Variants in BRIP1 observed in about 807,000 individuals in gnomAD.
The protein encoded by BRIP1 is BRCA1 interacting DNA helicase 1.
Under a neutral mutation model 119.7 loss-of-function variants are expected in BRIP1, and 88 were observed. The observed-to-expected ratio is 0.74, with a 90% CI of 0.62 to 0.88. The LOEUF is 0.88. BRIP1 is among the 40% of genes least tolerant of loss of function. BRIP1 has a pLI of 0.00. For missense variants in BRIP1, 1,259 were observed against 1,455.4 expected, an observed-to-expected ratio of 0.87 and a Z score of 2.20; for synonymous variants, 443 against 496.5, an observed-to-expected ratio of 0.89 and a Z score of 1.43.
intron 19 of BRIP1, chr17:61,685,299 G>A (rs1291177896): frequency 2.6e-5 from 4 of 152,432 alleles, no homozygotes; most frequent in Non-Finnish European, 5.9e-5. Context: ...TGATACAGAT[G>A]ATTATTTCAA....
In BRIP1 at chr17:61,693,511, A is replaced by G. The variant is rs768222842; in HGVS notation, c.2494T>C (p.Cys832Arg). ...YRALNQALGR[C>R]IRHRNDWGAL... ...CCCCAATCATTTCTGTGTCTAATAC[A>G]TCTAGAAAAAATAGGGAAAAAGTCA... The change falls in exon 18 of 20, where the codon TGT becomes CGT. Residue 832 changes from cysteine (C) to arginine (R), a missense_variant and splice_region_variant. By Grantham distance (180) the Cys-to-Arg change is radical (BLOSUM62 -3). This residue lies in a region of BRIP1 where 753 missense variants were observed against 891.8 expected (regional missense o/e 0.84). Coordinates refer to ENST00000259008, the MANE Select transcript of BRIP1 (RefSeq NM_032043.3). This position sits in a 1 kb window ranked among gnomAD's most constrained non-coding sequence, Gnocchi z 4.2. The G allele has an allele frequency of 6.2e-7, 1 of 1,609,932 alleles. No individual in the cohort carries two copies. Among genetic ancestry groups the G allele is most frequent in the Admixed American group, 1.7e-5 (1 of 60,006 alleles).
In BRIP1 at chr17:61,686,910, TAGCATC is replaced by T. The variant is rs1036659504; in HGVS notation, c.2576-751_2576-746del. Among the ~76,000 whole-genome samples, 11 of 152,290 alleles carry T rather than the reference TAGCATC, an allele frequency of 7.2e-5. No individual in the cohort carries two copies. Among genetic ancestry groups the T allele is most frequent in the African/African-American group, 2.6e-4 (11 of 41,572 alleles). On this transcript the variant is annotated intron_variant, in intron 18 of 19. Coordinates refer to ENST00000259008, the MANE Select transcript of BRIP1 (RefSeq NM_032043.3). This position sits in a 1 kb window ranked among gnomAD's most constrained non-coding sequence, Gnocchi z 5.4. ...TATTCCCTGCTAACACTACTAAAACTAGCATCATCTTTTGGAGGAATTAGTTTTAAA... is the reference window on the plus strand; with the variant it reads ...TATTCCCTGCTAACACTACTAAAACTATCTTTTGGAGGAATTAGTTTTAAA...
Position 61,806,759 on chromosome 17 carries a change from G to A in BRIP1, c.918+1708C>T, listed in dbSNP as rs373022609. 3.3e-5 allele frequency among the ~76,000 whole-genome samples: 5 copies of A among 152,140 alleles called. No homozygotes were observed. The highest frequency in any genetic ancestry group is 2.1e-4 in the South Asian group (1 of 4,832). On this transcript the variant is annotated intron_variant, in intron 7 of 19. Coordinates refer to ENST00000259008, the MANE Select transcript of BRIP1 (RefSeq NM_032043.3). This position sits in a 1 kb window ranked among gnomAD's most constrained non-coding sequence, Gnocchi z 4.9. ...GTTGCCCAGGCTGCAGTGCAGTGGC[G>A]CGATCTTGGCTCACTGCAACCTCTG...
rs1308788275 is a variant in BRIP1, at chr17:61,680,545, T to TCTCGG, written c.*2746_*2750dup. Among the ~76,000 whole-genome samples the TCTCGG allele has an allele frequency of 2.9e-5, 4 of 139,042 alleles. No individual in the cohort carries two copies. The highest frequency in any genetic ancestry group is 6.1e-5 in the Non-Finnish European group (4 of 66,036). The allele number at this position is 139,042 out of a possible 152,430, so 91.2% of individuals were successfully genotyped here. ...CCCAGGCTGGAGTGCAGTGGCGCAA[T>TCTCGG]CTCGGCTCACTGCAAGCTCCACCTC... is the stretch of plus-strand genomic sequence containing the variant. On this transcript the variant is annotated 3_prime_UTR_variant, in exon 20 of 20. Transcript: ENST00000259008.
Position 61,791,262 on chromosome 17 carries a change from G to A in BRIP1, c.1473+2335C>T, listed in dbSNP as rs139831482. Among the ~76,000 whole-genome samples the A allele has an allele frequency of 3.0e-3, 459 of 152,052 alleles. 5 individuals are homozygous for A. Among genetic ancestry groups the A allele is most frequent in the Non-Finnish European group, 5.4e-3 (370 of 67,960 alleles). ...CCAGCACTTTGGGAGGCCAAGGCAG[G>A]TGGATCACTTGAGGTCAGGAGTTTG... On this transcript the variant is annotated intron_variant, in intron 10 of 19. Transcript: ENST00000259008.
At chr17:61,830,825 A>G (rs1333088630) in intron 6 of BRIP1, among the ~76,000 whole-genome samples, 1 of 152,210 alleles carries the variant, frequency 6.6e-6, no homozygotes, top group Non-Finnish European at 1.5e-5. Context: ...ACATTACAGA[A>G]AACTATAGAC....
In BRIP1 at chr17:61,743,952, G is replaced by A. The variant is rs533556236; in HGVS notation, c.2257+480C>T. Reference sequence around the variant, plus strand: ...TCCACCCGCCTCAGCCTCCCAAAGCGCTAGGATTACAGGCAAGAGCCACCA... The same window carrying A: ...TCCACCCGCCTCAGCCTCCCAAAGCACTAGGATTACAGGCAAGAGCCACCA... On this transcript the variant is annotated intron_variant, in intron 15 of 19. Transcript: ENST00000259008. The surrounding 1 kb of genome is among the most constrained non-coding windows in gnomAD (Gnocchi z 4.3). Among the ~76,000 whole-genome samples, 54 of 152,230 alleles carry A rather than the reference G, an allele frequency of 3.5e-4. No homozygotes were observed. The highest frequency in any genetic ancestry group is 2.4e-4 in the African/African-American group (10 of 41,556).
In BRIP1 at chr17:61,861,641, G is replaced by A. The variant is rs936614700; in HGVS notation, c.-30-72C>T. ...GAAAACCAGAGAACCAAAACTAAGG[G>A]AGAAATCTGGAAACAGAAACTGGAA... On this transcript the variant is annotated intron_variant, in intron 1 of 19. Transcript: ENST00000259008. This position sits in a 1 kb window ranked among gnomAD's most constrained non-coding sequence, Gnocchi z 4.5. 3.2e-5 allele frequency: 26 copies of A among 802,940 alleles called. No homozygotes were observed. In the African/African-American group the frequency reaches 4.3e-4, roughly 13 times the overall value. 49.7% of individuals were successfully genotyped at this position (802,940 alleles called of 1,614,324 possible).
intron 17 of BRIP1, among the ~76,000 whole-genome samples, chr17:61,702,994 CTTT>C (rs2061638949): frequency 2.2e-5 from 2 of 89,166 alleles, no homozygotes; most frequent in South Asian, 6.9e-4. Context: ...TTTTTTTTGA[CTTT>C]TTAACGATAG....
In BRIP1 at chr17:61,823,796, A is replaced by ACACACACACACACACC. The variant is rs371160215; in HGVS notation, c.628-15040_628-15039insGGTGTGTGTGTGTGTG. Reference sequence around the variant, plus strand: ...CACACACACACACACACACACACACACCTTAGTTGAATTGCTGAAAGCAGA... The same window carrying ACACACACACACACACC: ...CACACACACACACACACACACACACACACACACACACACACCCCTTAGTTGAATTGCTGAAAGCAGA... On this transcript the variant is annotated intron_variant, in intron 6 of 19. Transcript: ENST00000259008. The surrounding 1 kb of genome is among the most constrained non-coding windows in gnomAD (Gnocchi z 4.8). Among the ~76,000 whole-genome samples, 2 of 148,822 alleles carry ACACACACACACACACC rather than the reference A, an allele frequency of 1.3e-5. No individual in the cohort carries two copies. The highest frequency in any genetic ancestry group is 5.0e-5 in the African/African-American group (2 of 39,910).
chr17:61,795,193 A>G lies in BRIP1; in HGVS notation c.1341-1464T>C, dbSNP rs551151279. ...GCAATATGTAATAATCACATCATGG[A>G]AGATGGGGTATCCATCCTCTCAAGC... On this transcript the variant is annotated intron_variant, in intron 9 of 19. Coordinates refer to ENST00000259008, the MANE Select transcript of BRIP1 (RefSeq NM_032043.3). The surrounding 1 kb of genome is among the most constrained non-coding windows in gnomAD (Gnocchi z 5.6). 6.6e-6 allele frequency among the ~76,000 whole-genome samples: 1 copy of G among 152,238 alleles called. No homozygotes were observed. Among genetic ancestry groups the G allele is most frequent in the South Asian group, 2.1e-4 (1 of 4,834 alleles).
chr17:61,715,294 T>C (rs891188727), intron 17 of BRIP1, among the ~76,000 whole-genome samples: 32 of 152,198 alleles, frequency 2.1e-4, no homozygotes, highest in Admixed American at 2.0e-3. Context: ...ATTATCACTA[T>C]ACATAAAAGG....
At chr17:61,782,941 A>G (rs2077645994) in intron 11 of BRIP1, among the ~76,000 whole-genome samples, 2 of 152,230 alleles carry the variant, frequency 1.3e-5, no homozygotes, top group African/African-American at 2.4e-5. Flanking sequence ...GTGCATTGAT[A>G]ATGAGAATGG....
chr17:61,790,186 T>C (rs1286453660), intron 10 of BRIP1, among the ~76,000 whole-genome samples: 3 of 152,164 alleles, frequency 2.0e-5, no homozygotes, highest in African/African-American at 7.2e-5. Flanking sequence ...TTCAACTTCA[T>C]AAAAATAGAT....
intron 13 of BRIP1, among the ~76,000 whole-genome samples, chr17:61,777,623 A>G (rs1315627730): frequency 6.6e-6 from 1 of 152,102 alleles, no homozygotes; most frequent in Non-Finnish European, 1.5e-5. Context: ...ATTTACCTAC[A>G]CTTACTGATT....
rs990926069 is a variant in BRIP1 at position 61,834,858 on chromosome 17, C to T, written c.627+12243G>A. Among the ~76,000 whole-genome samples, 7 of 152,308 alleles carry T rather than the reference C, an allele frequency of 4.6e-5. No individual in the cohort carries two copies. The highest frequency in any genetic ancestry group is 8.8e-5 in the Non-Finnish European group (6 of 68,010). Reference sequence around the variant, plus strand: ...GCTGACCTGCAGTTGACCACAGACACATGAGTAGGCCACCTGAGATCAGCA... The same window carrying T: ...GCTGACCTGCAGTTGACCACAGACATATGAGTAGGCCACCTGAGATCAGCA... On this transcript the variant is annotated intron_variant, in intron 6 of 19. Transcript: ENST00000259008. The surrounding 1 kb of genome is among the most constrained non-coding windows in gnomAD (Gnocchi z 4.4).
chr17:61,785,549 T>C (rs2077692832), intron 10 of BRIP1, among the ~76,000 whole-genome samples: 1 of 151,698 alleles, frequency 6.6e-6, no homozygotes, highest in Admixed American at 6.6e-5. Context: ...TCTATAAGAG[T>C]AAAAATCAGC....
chr17:61,758,991 G>C lies in BRIP1; in HGVS notation c.2098-14400C>G, dbSNP rs114692448. Among the ~76,000 whole-genome samples the C allele has an allele frequency of 0.035, 4,978 of 142,914 alleles. 312 individuals carry two copies. Among genetic ancestry groups the C allele is most frequent in the African/African-American group, 0.12 (4,691 of 39,114 alleles). The allele number at this position is 142,914 out of a possible 152,430, so 93.8% of individuals were successfully genotyped here. Reference sequence around the variant, plus strand: ...CCCCTGCACTCTGACCTGGGTGACAGAGCAAGACCCTGTCATAAATAAATA... The same window carrying C: ...CCCCTGCACTCTGACCTGGGTGACACAGCAAGACCCTGTCATAAATAAATA... On this transcript the variant is annotated intron_variant, in intron 14 of 19. Transcript: ENST00000259008. The surrounding 1 kb of genome is among the most constrained non-coding windows in gnomAD (Gnocchi z 5.3).
Position 61,687,617 on chromosome 17 carries a change from AT to A in BRIP1, c.2576-1453del, listed in dbSNP as rs751494019. 8.8e-4 allele frequency among the ~76,000 whole-genome samples: 132 copies of A among 149,696 alleles called. 1 individual carries two copies. The highest frequency in any genetic ancestry group is 2.1e-3 in the African/African-American group (87 of 40,982). The stretch of plus-strand genomic sequence containing the variant: ...ACATCTCTTTATTATAATAAAATGT[AT>A]TTTTTTTTTAGCTAAAAGGTAATAA... On this transcript the variant is annotated intron_variant, in intron 18 of 19. Transcript: ENST00000259008. The surrounding 1 kb of genome is among the most constrained non-coding windows in gnomAD (Gnocchi z 5.1).
Sources: gnomAD v4.1 joint callset for allele counts (sites outside exome capture counted in the v4.1 genomes callset) on GRCh38, gnomAD v4.1.1 for gene constraint, gnomAD v4.1.1 regional missense constraint, Gnocchi (gnomAD v3.1) non-coding constraint, MANE v1.5 for transcripts, NCBI Gene and HGNC (gene_info 2026-07-23, HGNC 2026-07-21) for gene names.